Variants in EPHA6 observed in about 807,000 individuals in gnomAD.
EPHA6 encodes ephrin type-A receptor 6.
In EPHA6, 50 loss-of-function variants were observed where a neutral mutation model predicts 112.0. The observed-to-expected ratio is 0.45, with a 90% CI of 0.36 to 0.56. The LOEUF (loss-of-function observed/expected upper bound fraction) is 0.56. EPHA6 is among the 20% of genes least tolerant of loss of function. The pLI, the probability that EPHA6 is intolerant of heterozygous loss-of-function variation, is 0.00. For missense variants in EPHA6, 1,280 were observed against 1,417.4 expected (o/e 0.90, Z 1.56); for synonymous variants, 529 against 490.7 (o/e 1.08, Z -1.03).
At chr3:97,412,670 CA>C (rs2087808766) in intron 6 of EPHA6, among the ~76,000 whole-genome samples, 1 of 151,786 alleles carries the variant, frequency 6.6e-6, no homozygotes, top group Non-Finnish European at 1.5e-5. Context: ...CAGAGAAGTA[CA>C]TAAAAAGATA....
intron 2 of EPHA6, among the ~76,000 whole-genome samples, chr3:96,903,200 T>G (rs2107578747): frequency 6.6e-6 from 1 of 152,182 alleles, no homozygotes; most frequent in South Asian, 2.1e-4. Flanking sequence ...TGTAATATAG[T>G]ACAAAGCCCT....
chr3:96,861,045 C>A lies in EPHA6; in HGVS notation c.386-5780C>A, dbSNP rs144362945. 3.0e-3 allele frequency among the ~76,000 whole-genome samples: 452 copies of A among 151,970 alleles called. 4 individuals are homozygous for A. Among genetic ancestry groups the A allele is most frequent in the African/African-American group, 9.8e-3 (408 of 41,480 alleles). On this transcript the variant is annotated intron_variant, in intron 1 of 17. Transcript: ENST00000389672. Reference sequence around the variant, plus strand: ...GTAGTTTGGTGACCTTGTGATAGATCACATCCACACCCGAGTTATCCTTTG... The same window carrying A: ...GTAGTTTGGTGACCTTGTGATAGATAACATCCACACCCGAGTTATCCTTTG...
Position 97,754,174 on chromosome 3 carries a change from C to T in EPHA6, c.*5473C>T, listed in dbSNP as rs1382923237. ...TGCAATCTTGGCTCACCACAACCTCCGCCTCCCAGGTTCAAGCAATTCTCC... is the reference window on the plus strand; with the variant it reads ...TGCAATCTTGGCTCACCACAACCTCTGCCTCCCAGGTTCAAGCAATTCTCC... On this transcript the variant is annotated 3_prime_UTR_variant, in exon 18 of 18. Transcript: ENST00000389672. 7.3e-5 allele frequency among the ~76,000 whole-genome samples: 11 copies of T among 150,734 alleles called. No homozygotes were observed. Among genetic ancestry groups the T allele is most frequent in the African/African-American group, 2.7e-4 (11 of 40,954 alleles).
chr3:96,976,481 G>A (rs74715103), intron 2 of EPHA6, among the ~76,000 whole-genome samples: 4,454 of 152,052 alleles, frequency 0.029, 219 homozygotes, highest in African/African-American at 0.099. Context: ...AGGTGACAAA[G>A]TACTTTATGA....
At chr3:97,013,270 T>A (rs1259754639) in intron 3 of EPHA6, among the ~76,000 whole-genome samples, 21 of 152,270 alleles carry the variant, frequency 1.4e-4, no homozygotes, top group Non-Finnish European at 1.5e-5. Flanking sequence ...TGTGAGTTAA[T>A]GATTTATATT....
intron 6 of EPHA6, among the ~76,000 whole-genome samples, chr3:97,448,165 G>A (rs542552796): frequency 2.0e-5 from 3 of 152,190 alleles, no homozygotes; most frequent in African/African-American, 4.8e-5. Context: ...CACTACCTGC[G>A]GGTAGAAGTG....
At chr3:97,310,724 C>T (rs1384965089) in intron 5 of EPHA6, among the ~76,000 whole-genome samples, 1 of 151,626 alleles carries the variant, frequency 6.6e-6, no homozygotes, top group African/African-American at 2.4e-5. Context: ...TGGATCCTCT[C>T]TCAACTAGAT....
intron 5 of EPHA6, among the ~76,000 whole-genome samples, chr3:97,359,300 T>G (rs1442646631): frequency 6.6e-6 from 1 of 152,088 alleles, no homozygotes; most frequent in Non-Finnish European, 1.5e-5. Context: ...ATCTTCAAGT[T>G]CATGGATTCT....
At chr3:97,564,882 G>A (rs1027302595) in intron 11 of EPHA6, among the ~76,000 whole-genome samples, 1 of 152,206 alleles carries the variant, frequency 6.6e-6, no homozygotes, top group South Asian at 2.1e-4. Context: ...CATGTTTCAA[G>A]TAAATATCTG....
intron 5 of EPHA6, among the ~76,000 whole-genome samples, chr3:97,392,879 A>T (rs1378972629): frequency 6.6e-6 from 1 of 151,698 alleles, no homozygotes; most frequent in East Asian, 1.9e-4. Context: ...AGGAAATCAG[A>T]AATCAGCTGA....
intron 2 of EPHA6, among the ~76,000 whole-genome samples, chr3:96,938,124 GT>G (rs1356861113): frequency 6.6e-6 from 1 of 151,314 alleles, no homozygotes; most frequent in East Asian, 1.9e-4. Flanking sequence ...CTTTAAAGTA[GT>G]TTTTTCCAAT....
chr3:97,592,696 C>T lies in EPHA6; in HGVS notation c.2471C>T (p.Pro824Leu), dbSNP rs1283251867. ...GFLNSIQAPH[P>L]VPGGGSLPPR... ...TTAAATAGCATCCAGGCCCCGCATC[C>T]AGTGCCAGGGGGAGGATCTTTGCCC... Residue 824 changes from proline to leucine, a missense_variant, in exon 12 of 18, where the codon CCA becomes CTA. Physicochemically the swap from Pro to Leu is moderately conservative, Grantham distance 98 (BLOSUM62 -3). Transcript: ENST00000389672. 6.2e-7 allele frequency: 1 copy of T among 1,610,202 alleles called. No individual in the cohort carries two copies. Among genetic ancestry groups the T allele is most frequent in the South Asian group, 1.1e-5 (1 of 90,082 alleles).
intron 1 of EPHA6, among the ~76,000 whole-genome samples, chr3:96,832,606 A>G (rs2034157482): frequency 6.6e-6 from 1 of 152,102 alleles, no homozygotes; most frequent in African/African-American, 2.4e-5. Flanking sequence ...GGCCTGGTTA[A>G]AAGAGAAAAC....
At chr3:97,392,049 C>CT in intron 5 of EPHA6, among the ~76,000 whole-genome samples, 2 of 151,950 alleles carry the variant, frequency 1.3e-5, no homozygotes, top group South Asian at 4.1e-4. Context: ...TTTTAGCTAG[C>CT]TGCCACCGCA....
At position 97,694,589 on chromosome 3, in the gene EPHA6, T is replaced by C. The variant is rs372289061; in HGVS notation, c.2785-25672T>C. 2.1e-3 allele frequency among the ~76,000 whole-genome samples: 325 copies of C among 152,280 alleles called. 1 individual carries two copies. Among genetic ancestry groups the C allele is most frequent in the African/African-American group, 7.1e-3 (297 of 41,548 alleles). ...TATGGGGTAGCTCAAGGGGCAAAAT[T>C]TCAGGAAAAAAGCATTATAATATAT... On this transcript the variant is annotated intron_variant, in intron 14 of 17. Transcript: ENST00000389672.
chr3:96,975,893 T>A (rs2042503099), intron 2 of EPHA6, among the ~76,000 whole-genome samples: 1 of 152,194 alleles, frequency 6.6e-6, no homozygotes, highest in Non-Finnish European at 1.5e-5. Flanking sequence ...TATTTAACTC[T>A]TTTCTACATT....
At chr3:97,360,351 T>C (rs1262926751) in intron 5 of EPHA6, among the ~76,000 whole-genome samples, 1 of 152,222 alleles carries the variant, frequency 6.6e-6, no homozygotes, top group Non-Finnish European at 1.5e-5. Context: ...GTTGCCTAGA[T>C]GGGAAGACAG....
chr3:97,546,465 T>C (rs2092950500), intron 11 of EPHA6, among the ~76,000 whole-genome samples: 1 of 152,210 alleles, frequency 6.6e-6, no homozygotes, highest in African/African-American at 2.4e-5. Flanking sequence ...CCTTTGAGGG[T>C]AACCCGACCT....
chr3:96,837,722 A>T (rs1227923019), intron 1 of EPHA6, among the ~76,000 whole-genome samples: 1 of 152,084 alleles, frequency 6.6e-6, no homozygotes, highest in East Asian at 1.9e-4. Context: ...AGACATTTTG[A>T]TTATATTATT....
Sources: gnomAD v4.1 joint callset for allele counts (sites outside exome capture counted in the v4.1 genomes callset) on GRCh38, gnomAD v4.1.1 for gene constraint, MANE v1.5 for transcripts, NCBI Gene and HGNC (gene_info 2026-07-23, HGNC 2026-07-21) for gene names.